The following FGF12 variants were observed in gnomAD, a reference collection of about 807,000 sequenced individuals.
The protein encoded by FGF12 is fibroblast growth factor 12B.
FGF12 carries 14 observed loss-of-function variants against 23.6 expected under a neutral mutation model. That is an observed-to-expected ratio of 0.59 (90% CI 0.39 to 0.93). FGF12 has a LOEUF of 0.93. FGF12 is among the 40% of genes least tolerant of loss of function. FGF12 has a pLI of 0.00. For missense variants in FGF12, 175 were observed against 217.8 expected, an observed-to-expected ratio of 0.80 and a Z score of 1.24; for synonymous variants, 62 against 77.3, an observed-to-expected ratio of 0.80 and a Z score of 1.04.
intron 2 of FGF12, among the ~76,000 whole-genome samples, chr3:192,670,122 A>G (rs1290884180): frequency 2.6e-5 from 4 of 152,210 alleles, no homozygotes; most frequent in Non-Finnish European, 5.9e-5. Context: ...TACCTCAACC[A>G]AAACAATATT....
intron 2 of FGF12, among the ~76,000 whole-genome samples, chr3:192,500,762 C>T (rs1475475654): frequency 6.6e-6 from 1 of 152,186 alleles, no homozygotes; most frequent in Non-Finnish European, 1.5e-5. Flanking sequence ...AGGCACTATC[C>T]TAAGAGCTTT....
intron 2 of FGF12, among the ~76,000 whole-genome samples, chr3:192,643,465 T>C (rs1715880186): frequency 6.6e-6 from 1 of 152,212 alleles, no homozygotes; most frequent in Non-Finnish European, 1.5e-5. Context: ...ACCATTTTAA[T>C]CTTACCACCA....
intron 2 of FGF12, among the ~76,000 whole-genome samples, chr3:192,622,869 A>G (rs1055900128): frequency 6.6e-6 from 1 of 152,176 alleles, no homozygotes; most frequent in Non-Finnish European, 1.5e-5. Flanking sequence ...TGGACAACCA[A>G]GGAGAGCAAG....
rs1715217816 is a variant in FGF12, at chr3:192,167,258, T to C, written c.427+3200A>G. 2.0e-5 allele frequency among the ~76,000 whole-genome samples: 3 copies of C among 151,900 alleles called. No homozygotes were observed. In the South Asian group the frequency reaches 6.2e-4, roughly 32 times the overall value. ...TGTGGCCAGTGCGATAAGTAGCATA[T>C]GGCAGTTACCATGGACAACTTGGAA... On this transcript the variant is annotated intron_variant, in intron 5 of 5. Coordinates refer to ENST00000445105, the MANE Select transcript of FGF12 (RefSeq NM_004113.6).
At chr3:192,678,339 T>A (rs1187942254) in intron 2 of FGF12, among the ~76,000 whole-genome samples, 1 of 152,234 alleles carries the variant, frequency 6.6e-6, no homozygotes, top group African/African-American at 2.4e-5. Context: ...GCAGAGCTCA[T>A]GCTTAGAAAC....
chr3:192,652,859 T>A (rs9834961), intron 2 of FGF12, among the ~76,000 whole-genome samples: 6 of 151,992 alleles, frequency 3.9e-5, no homozygotes, highest in African/African-American at 9.7e-5. Flanking sequence ...CTTTGTATGC[T>A]CATGTAAGAG....
chr3:192,602,547 T>A (rs952027182), intron 2 of FGF12, among the ~76,000 whole-genome samples: 2 of 152,092 alleles, frequency 1.3e-5, no homozygotes, highest in African/African-American at 4.8e-5. Context: ...ATAAGAAGTG[T>A]CCACTCTCAG....
At chr3:192,615,326 A>G (rs564833578) in intron 2 of FGF12, among the ~76,000 whole-genome samples, 17 of 152,166 alleles carry the variant, frequency 1.1e-4, no homozygotes, top group Middle Eastern at 3.4e-3. Flanking sequence ...TCCCTTCTCT[A>G]TAATTATAGA....
chr3:192,176,672 T>TAA (rs1715879814), intron 4 of FGF12, among the ~76,000 whole-genome samples: 1 of 152,240 alleles, frequency 6.6e-6, no homozygotes, highest in South Asian at 2.1e-4. Flanking sequence ...GTTTGAAGAT[T>TAA]AAGTAAAATG....
intron 3 of FGF12, among the ~76,000 whole-genome samples, chr3:192,353,472 C>T (rs1718319936): frequency 6.7e-6 from 1 of 149,676 alleles, no homozygotes; most frequent in Non-Finnish European, 1.5e-5. Flanking sequence ...TGGATTCAAG[C>T]CATTCTCCTG....
chr3:192,446,032 C>T (rs181432242), intron 2 of FGF12, among the ~76,000 whole-genome samples: 3 of 152,322 alleles, frequency 2.0e-5, no homozygotes, highest in East Asian at 3.9e-4. Context: ...TGCTCCATAA[C>T]GTCAAAAGAG....
intron 2 of FGF12, among the ~76,000 whole-genome samples, chr3:192,724,412 G>C (rs893737375): frequency 2.0e-5 from 3 of 152,156 alleles, no homozygotes; most frequent in Middle Eastern, 3.4e-3. Context: ...ATTGGTATGC[G>C]GTGCCATCTC....
At chr3:192,548,278 C>A (rs901738769) in intron 2 of FGF12, among the ~76,000 whole-genome samples, 2 of 151,944 alleles carry the variant, frequency 1.3e-5, no homozygotes, top group African/African-American at 4.8e-5. Context: ...CCTTAATTCC[C>A]GAAGCATTGA....
At chr3:192,706,691 C>T (rs1718483674) in intron 2 of FGF12, among the ~76,000 whole-genome samples, 1 of 152,164 alleles carries the variant, frequency 6.6e-6, no homozygotes, top group African/African-American at 2.4e-5. Flanking sequence ...CCTCCGCTTA[C>T]AACACACTAA....
At chr3:192,398,346 T>C (rs1247314680) in intron 2 of FGF12, among the ~76,000 whole-genome samples, 1 of 151,848 alleles carries the variant, frequency 6.6e-6, no homozygotes, top group African/African-American at 2.4e-5. Context: ...CTACAGTTAA[T>C]AGCTTTTCAG....
chr3:192,647,734 C>CATGT (rs1716065565), intron 2 of FGF12, among the ~76,000 whole-genome samples: 1 of 144,792 alleles, frequency 6.9e-6, no homozygotes, highest in South Asian at 2.1e-4. Flanking sequence ...CACATATATA[C>CATGT]ATACATGTAT....
intron 2 of FGF12, among the ~76,000 whole-genome samples, chr3:192,480,264 C>T (rs1723444436): frequency 6.6e-6 from 1 of 152,148 alleles, no homozygotes; most frequent in Non-Finnish European, 1.5e-5. Context: ...ATTCTTCTCA[C>T]CCTTGCCAAC....
At chr3:192,612,897 G>C (rs1219872961) in intron 2 of FGF12, among the ~76,000 whole-genome samples, 1 of 151,758 alleles carries the variant, frequency 6.6e-6, no homozygotes, top group Non-Finnish European at 1.5e-5. Context: ...ATTTAAATTG[G>C]CATAACTCTT....
chr3:192,331,385 C>T (rs895720094), intron 4 of FGF12, among the ~76,000 whole-genome samples: 2 of 149,320 alleles, frequency 1.3e-5, no homozygotes, highest in East Asian at 2.0e-4. Flanking sequence ...GACATTTGTA[C>T]GCTCATGTTC....
Sources: allele counts gnomAD v4.1 joint callset (sites outside exome capture counted in the v4.1 genomes callset), GRCh38; gene constraint gnomAD v4.1.1; transcripts MANE v1.5; gene names NCBI Gene and HGNC (gene_info 2026-07-23, HGNC 2026-07-21).